The following WDR88 variants were observed in gnomAD, a reference collection of about 807,000 sequenced individuals.
The protein encoded by WDR88 is WD repeat-containing protein 88.
In WDR88, 40 loss-of-function variants were observed where a neutral mutation model predicts 46.8. That is an observed-to-expected ratio of 0.86 (90% CI 0.66 to 1.11). WDR88 has a LOEUF of 1.11. WDR88 is among the 50% of genes most tolerant of loss of function. The probability of loss-of-function intolerance (pLI) is 0.00; values close to 1 mark genes in which losing one functional copy is unlikely to be tolerated. For missense variants in WDR88, 562 were observed against 602.4 expected (o/e 0.93, Z 0.70); for synonymous variants, 235 against 240.7 (o/e 0.98, Z 0.22).
chr19:33,174,321 A>G (rs1974089936), intron 10 of WDR88: 1 of 1,518,290 alleles, frequency 6.6e-7, no homozygotes. Context: ...CCTCTCCAGC[A>G]GGCCTCAGTG....
rs540867344 is a variant in WDR88 at position 33,174,920 on chromosome 19, T to G, written c.1243-476T>G. The G allele has an allele frequency of 7.1e-6, 7 of 985,426 alleles. No individual in the cohort carries two copies. In the African/African-American group the frequency reaches 1.0e-4, roughly 15 times the overall value. 61.0% of individuals were successfully genotyped at this position (985,426 alleles called of 1,614,324 possible). ...GCCTGTGCTCATTCTCTCTGCAATTTCCGCCTTTGTGGGGTTAGAGATTCC... is the reference window on the plus strand; with the variant it reads ...GCCTGTGCTCATTCTCTCTGCAATTGCCGCCTTTGTGGGGTTAGAGATTCC... On this transcript the variant is annotated intron_variant, in intron 10 of 10. Transcript: ENST00000355868.
rs554507160 is a variant in WDR88 at position 33,136,481 on chromosome 19, G to A, written c.277-1196G>A. ...GCTGGGATTACAGGCATGAGCCACC[G>A]CGCCCGGCCACACTATGGTTTTCAT... On this transcript the variant is annotated intron_variant, in intron 1 of 10. Transcript: ENST00000355868. Among the ~76,000 whole-genome samples the A allele has an allele frequency of 8.6e-5, 13 of 151,360 alleles. No homozygotes were observed. The South Asian group carries it at 1.9e-3, about 22-fold the overall frequency.
rs1973427884 is a variant in WDR88, at chr19:33,142,857, A to T, written c.388-1987A>T. 2.1e-5 allele frequency: 3 copies of T among 144,874 alleles called. No individual in the cohort carries two copies. In the South Asian group the frequency reaches 6.8e-4, roughly 33 times the overall value. The allele number at this position is 144,874 out of a possible 1,614,324, so 9.0% of individuals were successfully genotyped here. A position where few individuals can be genotyped will look rare whatever the true frequency, so the allele number is the denominator to read the frequency against. On this transcript the variant is annotated intron_variant, in intron 2 of 10. Coordinates refer to ENST00000355868, the MANE Select transcript of WDR88 (RefSeq NM_173479.4). ...CCTGTCTCTACTAAAAATACAAAAAAAAAAAAAAAAAAAAAAAAAAAAAGG... is the reference window on the plus strand; with the variant it reads ...CCTGTCTCTACTAAAAATACAAAAATAAAAAAAAAAAAAAAAAAAAAAAGG...
intron 6 of WDR88, among the ~76,000 whole-genome samples, chr19:33,153,040 T>C (rs1253520803): frequency 6.6e-6 from 1 of 151,618 alleles, no homozygotes; most frequent in East Asian, 1.9e-4. Context: ...GAGTTCCTGC[T>C]TTCAATTCTT....
chr19:33,162,579 G>A (rs1183674041), intron 8 of WDR88, among the ~76,000 whole-genome samples: 2 of 152,070 alleles, frequency 1.3e-5, no homozygotes, highest in Non-Finnish European at 1.5e-5. Context: ...ACAGTGGATC[G>A]AGTTTGCAGT....
chr19:33,141,245 T>TTTTTTTTTTTTTTTTTTTTTTTTTTC (rs1973389288), intron 2 of WDR88, among the ~76,000 whole-genome samples: 1 of 148,772 alleles, frequency 6.7e-6, no homozygotes, highest in African/African-American at 2.6e-5. Context: ...TTTTTTCTTT[T>TTTTTTTTTTTTTTTTTTTTTTTTTTC]TTGACACAGG....
chr19:33,145,078 C>G, intron 3 of WDR88, 146 bp downstream of exon 3: 1 of 749,604 alleles, frequency 1.3e-6, no homozygotes, highest in Admixed American at 2.2e-5. Flanking sequence ...AACCTGTGGT[C>G]TCAAGCGATT....
intron 2 of WDR88, among the ~76,000 whole-genome samples, chr19:33,143,337 C>CAA (rs59380405): frequency 0.028 from 1,380 of 49,298 alleles, 39 homozygotes; most frequent in African/African-American, 0.075. Context: ...GATCCAGTGT[C>CAA]AAAAAAAAAA....
intron 8 of WDR88, 102 bp downstream of exon 8, chr19:33,160,598 C>T (rs1973849299): frequency 1.7e-6 from 2 of 1,195,748 alleles, no homozygotes; most frequent in Non-Finnish European, 2.5e-6. Flanking sequence ...TGACACAGGC[C>T]TTGATGCCTC....
rs755298494 is a variant in WDR88, at chr19:33,144,829, T to C, written c.388-15T>C. The C allele has an allele frequency of 6.2e-7, 1 of 1,612,010 alleles. No individual in the cohort carries two copies. The highest frequency in any genetic ancestry group is 1.1e-5 in the South Asian group (1 of 90,656). On this transcript the variant is annotated splice_polypyrimidine_tract_variant and intron_variant, in intron 2 of 10. Transcript: ENST00000355868. ...AGTGACCACTCTCTTCTCCTCTCTC[T>C]CCCGTTGATTTGAGGATCCGGTGGA...
chr19:33,137,854 C>A, intron 2 of WDR88, 67 bp downstream of exon 2: 3 of 1,373,878 alleles, frequency 2.2e-6, no homozygotes, highest in South Asian at 2.5e-5. Context: ...CCTCCTGTGT[C>A]GAGTTCCCCA....
rs768349048 is a variant in WDR88, at chr19:33,144,884, G to A, written c.428G>A (p.Arg143Lys). The A allele has an allele frequency of 6.2e-6, 10 of 1,613,678 alleles. No homozygotes were observed. The African/African-American group carries it at 1.1e-4, about 17-fold the overall frequency. ...TCTGTGGTTCGCGATTTTGAGCACA[G>A]GCCCAAAGCTCCTGTTGTAGAGTGC... ...DGSVVRDFEHRPKAPVVECSI... is the reference protein window; with the variant it reads ...DGSVVRDFEHKPKAPVVECSI... Residue 143 changes from arginine to lysine, a missense_variant, in exon 3 of 11, where the codon AGG (arginine) becomes AAG (lysine). Transcript: ENST00000355868.
intron 1 of WDR88, among the ~76,000 whole-genome samples, chr19:33,136,031 A>C (rs1483770520): frequency 1.3e-5 from 2 of 150,196 alleles, no homozygotes; most frequent in Non-Finnish European, 2.9e-5. Context: ...CTGGGATTAG[A>C]GGTGCCCAAC....
intron 1 of WDR88, among the ~76,000 whole-genome samples, chr19:33,132,703 C>T (rs975145816): frequency 3.3e-5 from 5 of 152,244 alleles, no homozygotes; most frequent in African/African-American, 1.2e-4. Flanking sequence ...TGGGAGGAGG[C>T]TCTGCCCCAC....
At chr19:33,151,527 T>A (rs1568364954) in intron 6 of WDR88, among the ~76,000 whole-genome samples, 2 of 152,134 alleles carry the variant, frequency 1.3e-5, no homozygotes, top group African/African-American at 4.8e-5. Context: ...TGTGAGCCAC[T>A]AGTGGAAATC....
chr19:33,139,639 G>A (rs915258140), intron 2 of WDR88, among the ~76,000 whole-genome samples: 1 of 152,232 alleles, frequency 6.6e-6, no homozygotes, highest in Admixed American at 6.5e-5. Flanking sequence ...TTCTTAGGAT[G>A]GTACAGGCAA....
chr19:33,139,745 A>G (rs1446064446), intron 2 of WDR88, among the ~76,000 whole-genome samples: 1 of 152,116 alleles, frequency 6.6e-6, no homozygotes, highest in East Asian at 1.9e-4. Flanking sequence ...TTTTTAATGA[A>G]TTTAAGACCA....
intron 1 of WDR88, among the ~76,000 whole-genome samples, chr19:33,134,320 T>A (rs1407310722): frequency 6.6e-6 from 1 of 151,756 alleles, no homozygotes; most frequent in Non-Finnish European, 1.5e-5. Context: ...TCCTATTTTT[T>A]AAATTAAATT....
chr19:33,144,856 G>A lies in WDR88; in HGVS notation c.400G>A (p.Gly134Ser), dbSNP rs924796394. 3 of 1,613,482 alleles carry A rather than the reference G, an allele frequency of 1.9e-6. No individual in the cohort carries two copies. In the African/African-American group the frequency reaches 4.0e-5, roughly 22 times the overall value. Residue 134 changes from glycine (G) to serine (S), a missense_variant, in exon 3 of 11, where the codon GGT (glycine) becomes AGT (serine). Gly to Ser is a moderately conservative substitution (Grantham distance 56). Transcript: ENST00000355868. ...CCGTTGATTTGAGGATCCGGTGGAC[G>A]GTTCTGTGGTTCGCGATTTTGAGCA... ...CTVKLWDPVD[G>S]SVVRDFEHRP...
Sources: gnomAD v4.1 joint callset for allele counts (sites outside exome capture counted in the v4.1 genomes callset) on GRCh38, gnomAD v4.1.1 for gene constraint, MANE v1.5 for transcripts, NCBI Gene and HGNC (gene_info 2026-07-23, HGNC 2026-07-21) for gene names.